Variants in XKR6 observed in about 807,000 individuals in gnomAD.
The protein encoded by XKR6 is XK-related protein 6.
Under a neutral mutation model 56.7 loss-of-function variants are expected in XKR6, and 22 were observed. The ratio of observed to expected loss-of-function variants is 0.39; its 90% CI spans 0.28 to 0.55. XKR6 has a LOEUF of 0.55. Ranked by LOEUF, XKR6 falls within the 20% of genes least tolerant of loss-of-function variation. The pLI is 0.66. For synonymous variants in XKR6, 524 were observed against 387.8 expected, an observed-to-expected ratio of 1.35 and a Z score of -4.13; for missense variants, 852 against 889.0, an observed-to-expected ratio of 0.96 and a Z score of 0.53.
At chr8:11,082,921 A>G (rs1420949103) in intron 1 of XKR6, among the ~76,000 whole-genome samples, 4 of 152,124 alleles carry the variant, frequency 2.6e-5, no homozygotes, top group Admixed American at 1.3e-4. Flanking sequence ...CTATTTCTGT[A>G]TTTATTTCTC....
intron 2 of XKR6, among the ~76,000 whole-genome samples, chr8:10,921,798 C>G (rs11250091): frequency 0.013 from 1,989 of 152,258 alleles, 47 homozygotes; most frequent in African/African-American, 0.043. Context: ...CCTGGTGGTA[C>G]AGAGTGGGGA....
At chr8:11,084,385 C>T (rs1797816741) in intron 1 of XKR6, among the ~76,000 whole-genome samples, 1 of 152,188 alleles carries the variant, frequency 6.6e-6, no homozygotes, top group South Asian at 2.1e-4. Context: ...AAGGCTGAAT[C>T]ACTTAGCACT....
intron 1 of XKR6, among the ~76,000 whole-genome samples, chr8:11,058,277 G>A (rs1470270408): frequency 6.6e-6 from 1 of 152,132 alleles, no homozygotes; most frequent in Admixed American, 6.5e-5. Flanking sequence ...GATTCCTCAA[G>A]GATCTAGTAC....
At chr8:10,955,958 G>T (rs936006303) in intron 1 of XKR6, among the ~76,000 whole-genome samples, 24 of 152,238 alleles carry the variant, frequency 1.6e-4, no homozygotes, top group Non-Finnish European at 2.9e-5. Context: ...GCCCTGAGTG[G>T]CTGCTCGGTG....
At chr8:11,083,177 G>A (rs1157599133) in intron 1 of XKR6, among the ~76,000 whole-genome samples, 1 of 152,164 alleles carries the variant, frequency 6.6e-6, no homozygotes, top group Non-Finnish European at 1.5e-5. Flanking sequence ...GTGCCCGTGG[G>A]GCTCCTCTGC....
At chr8:11,198,221 G>A (rs556389154) in intron 1 of XKR6, among the ~76,000 whole-genome samples, 15 of 152,178 alleles carry the variant, frequency 9.9e-5, no homozygotes, top group Non-Finnish European at 2.1e-4. Flanking sequence ...TGATTTCAAC[G>A]CAAACAACAT....
At chr8:11,039,331 C>G (rs550080392) in intron 1 of XKR6, among the ~76,000 whole-genome samples, 199 of 152,320 alleles carry the variant, frequency 1.3e-3, no homozygotes, top group Middle Eastern at 0.01. Flanking sequence ...CCTGGGAAAG[C>G]TACAAAGAGT....
intron 1 of XKR6, among the ~76,000 whole-genome samples, chr8:10,968,190 G>C (rs1391893546): frequency 1.3e-5 from 2 of 152,158 alleles, no homozygotes; most frequent in Admixed American, 1.3e-4. Context: ...GCTGGTGTTT[G>C]AACCGGATCT....
chr8:10,981,276 T>C (rs1481877076), intron 1 of XKR6, among the ~76,000 whole-genome samples: 4 of 152,226 alleles, frequency 2.6e-5, no homozygotes, highest in African/African-American at 9.6e-5. Flanking sequence ...AGTGAAGTTA[T>C]GAATTGCTCC....
intron 1 of XKR6, among the ~76,000 whole-genome samples, chr8:11,164,112 C>T (rs74852460): frequency 0.052 from 7,915 of 152,270 alleles, 304 homozygotes; most frequent in South Asian, 0.097. Context: ...CTACTTCCTA[C>T]CCACTTCCCT....
At chr8:11,137,611 A>T (rs1297598393) in intron 1 of XKR6, 1 of 456,154 alleles carries the variant, frequency 2.2e-6, no homozygotes, top group African/African-American at 2.0e-5. Context: ...CTTCTACACC[A>T]AATGAACTCA....
intron 1 of XKR6, chr8:11,108,705 A>G (rs992006659): frequency 9.9e-6 from 2 of 201,348 alleles, no homozygotes; most frequent in African/African-American, 4.8e-5. Flanking sequence ...CTGATGCTCC[A>G]TTCCAAGGCG....
intron 1 of XKR6, among the ~76,000 whole-genome samples, chr8:11,119,261 C>A (rs372399355): frequency 1.3e-5 from 2 of 152,012 alleles, no homozygotes; most frequent in East Asian, 1.9e-4. Flanking sequence ...GGTGTGGTGT[C>A]GTGCTGAAAA....
chr8:11,152,545 GA>G (rs1801319170), intron 1 of XKR6, among the ~76,000 whole-genome samples: 2 of 152,222 alleles, frequency 1.3e-5, no homozygotes, highest in South Asian at 4.1e-4. Context: ...CTATCAGGAT[GA>G]GATGTCTTGC....
chr8:10,952,629 A>AT (rs1295069783), intron 1 of XKR6, among the ~76,000 whole-genome samples: 4 of 151,900 alleles, frequency 2.6e-5, no homozygotes, highest in Non-Finnish European at 4.4e-5. Flanking sequence ...AATTTTCTTT[A>AT]TTTTTTGTAG....
At chr8:11,049,557 G>A (rs552680714) in intron 1 of XKR6, among the ~76,000 whole-genome samples, 1 of 152,238 alleles carries the variant, frequency 6.6e-6, no homozygotes, top group African/African-American at 2.4e-5. Flanking sequence ...ATTTTTTACT[G>A]GGGAGCCCCA....
chr8:11,149,244 G>A (rs1441164891), intron 1 of XKR6, among the ~76,000 whole-genome samples: 1 of 152,136 alleles, frequency 6.6e-6, no homozygotes, highest in Admixed American at 6.5e-5. Context: ...GACACACCTC[G>A]ACTCTATATA....
chr8:11,150,686 C>G (rs934907819), intron 1 of XKR6, among the ~76,000 whole-genome samples: 1 of 151,918 alleles, frequency 6.6e-6, no homozygotes, highest in African/African-American at 2.4e-5. Flanking sequence ...AACCCCGTCT[C>G]TACTAAAAAT....
intron 1 of XKR6, among the ~76,000 whole-genome samples, chr8:11,154,681 T>C (rs1410992325): frequency 6.6e-6 from 1 of 152,232 alleles, no homozygotes; most frequent in Non-Finnish European, 1.5e-5. Flanking sequence ...TCAGTCAGTG[T>C]ATTTTTTACA....
Sources: gnomAD v4.1 joint callset for allele counts (sites outside exome capture counted in the v4.1 genomes callset) on GRCh38, gnomAD v4.1.1 for gene constraint, MANE v1.5 for transcripts, NCBI Gene and HGNC (gene_info 2026-07-23, HGNC 2026-07-21) for gene names.